The following FRMD4A variants were observed in gnomAD, a reference collection of about 807,000 sequenced individuals.
FRMD4A encodes FERM domain-containing protein 4A.
FRMD4A carries 29 observed loss-of-function variants against 129.1 expected under a neutral mutation model. The ratio of observed to expected loss-of-function variants is 0.22; its 90% CI spans 0.17 to 0.31. The LOEUF (loss-of-function observed/expected upper bound fraction) is 0.31, where lower values mean the gene tolerates loss of function less well. FRMD4A is among the 10% of genes least tolerant of loss of function. FRMD4A has a pLI of 1.00. For missense variants in FRMD4A, 1,272 were observed against 1,375.8 expected (o/e 0.92, Z 1.19); for synonymous variants, 634 against 571.6 (o/e 1.11, Z -1.56).
Position 13,656,743 on chromosome 10 carries a change from C to G in FRMD4A, c.2846G>C (p.Ser949Thr). The change falls in exon 22 of 25, where the codon AGC becomes ACC. Residue 949 changes from serine (S) to threonine (T), a missense_variant. Physicochemically the swap from Ser to Thr is moderately conservative, Grantham distance 58 (BLOSUM62 1). Around this residue, in one of 2 missense-constraint regions of FRMD4A, gnomAD observed 972 missense variants for 892.3 expected, o/e 1.09. Transcript: ENST00000357447. ...CGAGCCGCTGTCCGAGGAGGTGGAG[C>G]TGGTGTGCGACAGGCGGCTGTGCTC... is the stretch of plus-strand genomic sequence containing the variant. ...HKEHSRLSHT[S>T]STSSDSGSQY... 2 of 1,598,074 alleles carry G rather than the reference C, an allele frequency of 1.3e-6. No individual in the cohort carries two copies. Among genetic ancestry groups the G allele is most frequent in the Non-Finnish European group, 1.7e-6 (2 of 1,173,392 alleles).
chr10:13,921,505 C>T (rs762371376), intron 2 of FRMD4A, among the ~76,000 whole-genome samples: 10 of 152,178 alleles, frequency 6.6e-5, no homozygotes, highest in African/African-American at 1.2e-4. Flanking sequence ...AAGTGATCCA[C>T]CTGCCTTGGC....
intron 13 of FRMD4A, among the ~76,000 whole-genome samples, chr10:13,702,538 G>C (rs1439624310): frequency 1.0e-5 from 1 of 96,984 alleles, no homozygotes; most frequent in Non-Finnish European, 2.1e-5. Context: ...ATGTGTGTTT[G>C]CATGTGTGTG....
At chr10:14,285,501 T>A (rs1845653653) in intron 2 of FRMD4A, among the ~76,000 whole-genome samples, 1 of 152,218 alleles carries the variant, frequency 6.6e-6, no homozygotes, top group Non-Finnish European at 1.5e-5. Flanking sequence ...TGGAGGCATG[T>A]GGAAAGCAAA....
intron 2 of FRMD4A, among the ~76,000 whole-genome samples, chr10:14,036,521 T>C (rs1211002753): frequency 6.6e-6 from 1 of 152,150 alleles, no homozygotes; most frequent in Non-Finnish European, 1.5e-5. Context: ...TAACCCGGAT[T>C]GCTTGCATTT....
chr10:14,085,539 G>A (rs1057075238), intron 2 of FRMD4A, among the ~76,000 whole-genome samples: 7 of 152,174 alleles, frequency 4.6e-5, no homozygotes, highest in Admixed American at 2.0e-4. Flanking sequence ...GAGACGGAAC[G>A]GGTCTCAGAA....
intron 6 of FRMD4A, among the ~76,000 whole-genome samples, chr10:13,778,237 A>T (rs78467564): frequency 0.63 from 93,868 of 149,322 alleles, 30,886 homozygotes; most frequent in East Asian, 0.87. Flanking sequence ...ACATTTATTT[A>T]AAAAAAAAAC....
chr10:14,010,652 T>C (rs540436478), intron 2 of FRMD4A, among the ~76,000 whole-genome samples: 50 of 146,088 alleles, frequency 3.4e-4, no homozygotes, highest in Admixed American at 2.2e-3. Flanking sequence ...AAATTAATTG[T>C]CGAGTTTAGG....
intron 2 of FRMD4A, among the ~76,000 whole-genome samples, chr10:14,050,831 C>T (rs1363801515): frequency 2.6e-5 from 4 of 152,248 alleles, no homozygotes; most frequent in Non-Finnish European, 5.9e-5. Flanking sequence ...CACGCCCTCC[C>T]GCATGCCCTG....
intron 5 of FRMD4A, among the ~76,000 whole-genome samples, chr10:13,785,683 A>C (rs1193333826): frequency 6.6e-6 from 1 of 152,138 alleles, no homozygotes; most frequent in Non-Finnish European, 1.5e-5. Flanking sequence ...CAGGTTTGTT[A>C]CGTATGTATA....
At chr10:13,702,079 T>C (rs1488302392) in intron 13 of FRMD4A, among the ~76,000 whole-genome samples, 1 of 152,134 alleles carries the variant, frequency 6.6e-6, no homozygotes, top group Non-Finnish European at 1.5e-5. Context: ...ATACATTTCA[T>C]TTATATTTTT....
At chr10:13,968,408 C>T (rs1305545211) in intron 2 of FRMD4A, among the ~76,000 whole-genome samples, 2 of 152,230 alleles carry the variant, frequency 1.3e-5, no homozygotes, top group African/African-American at 4.8e-5. Context: ...CAACATTTCA[C>T]ATTTGTATCT....
At chr10:13,695,092 G>GA (rs1403061339) in intron 14 of FRMD4A, among the ~76,000 whole-genome samples, 2 of 151,818 alleles carry the variant, frequency 1.3e-5, no homozygotes, top group South Asian at 2.1e-4. Flanking sequence ...AGAATAATTA[G>GA]AAAAAACTCT....
chr10:13,738,046 A>G, intron 11 of FRMD4A, 116 bp from the exon 12 acceptor site: 1 of 676,496 alleles, frequency 1.5e-6, no homozygotes, highest in South Asian at 1.7e-5. Flanking sequence ...CTTGGAATGG[A>G]TGGAGCCCAC....
chr10:14,146,944 A>G (rs1326241353), intron 2 of FRMD4A, among the ~76,000 whole-genome samples: 4 of 152,218 alleles, frequency 2.6e-5, no homozygotes, highest in Non-Finnish European at 5.9e-5. Flanking sequence ...TATTTGCTTC[A>G]TTTCCTCCTC....
At chr10:13,897,824 G>A (rs2094775051) in intron 2 of FRMD4A, among the ~76,000 whole-genome samples, 1 of 151,256 alleles carries the variant, frequency 6.6e-6, no homozygotes, top group African/African-American at 2.4e-5. Flanking sequence ...TGTGATCCCA[G>A]CTACTCAGAA....
intron 12 of FRMD4A, 54 bp downstream of exon 12, chr10:13,737,790 C>G (rs369531286): frequency 2.5e-4 from 242 of 965,296 alleles, no homozygotes; most frequent in Non-Finnish European, 3.6e-4. Flanking sequence ...ACTCCTACGC[C>G]TGTTCCTCTC....
chr10:14,254,127 T>G (rs1469989133), intron 2 of FRMD4A, among the ~76,000 whole-genome samples: 1 of 152,122 alleles, frequency 6.6e-6, no homozygotes, highest in Non-Finnish European at 1.5e-5. Flanking sequence ...ACCTCAGCCC[T>G]CCATTGAACT....
Position 13,867,921 on chromosome 10 carries a change from T to C in FRMD4A, c.46-9009A>G, listed in dbSNP as rs200316296. ...TAAATAATATATATAATATAATATA[T>C]AATAAATAATATATATATAATAAAT... On this transcript the variant is annotated intron_variant, in intron 2 of 24. Transcript: ENST00000357447. Among the ~76,000 whole-genome samples, 140 of 142,672 alleles carry C rather than the reference T, an allele frequency of 9.8e-4. 1 individual carries two copies. The East Asian group carries it at 0.02, about 20-fold the overall frequency. 93.6% of individuals were successfully genotyped at this position (142,672 alleles called of 152,430 possible). A position where few individuals can be genotyped will look rare whatever the true frequency, so the allele number is the denominator to read the frequency against.
chr10:13,922,398 T>C (rs935014213), intron 2 of FRMD4A, among the ~76,000 whole-genome samples: 1 of 152,190 alleles, frequency 6.6e-6, no homozygotes, highest in Non-Finnish European at 1.5e-5. Context: ...TAAATGATCT[T>C]ATACAGCCAG....
Sources: gnomAD v4.1 joint callset for allele counts (sites outside exome capture counted in the v4.1 genomes callset) on GRCh38, gnomAD v4.1.1 for gene constraint, gnomAD v4.1.1 regional missense constraint, MANE v1.5 for transcripts, NCBI Gene and HGNC (gene_info 2026-07-23, HGNC 2026-07-21) for gene names.